WDR70: variants seen among roughly 807,000 people sequenced by gnomAD.
WDR70 encodes WD repeat domain 70, also known as WD repeat-containing protein 70.
A neutral mutation model predicts 88.6 loss-of-function variants in WDR70; 53 were observed. The ratio of observed to expected loss-of-function variants is 0.60; its 90% CI spans 0.48 to 0.75. The LOEUF (loss-of-function observed/expected upper bound fraction) is 0.75. Among genes scored for constraint, WDR70 ranks in the 30% least tolerant of loss-of-function variants. The pLI, the probability that WDR70 is intolerant of heterozygous loss-of-function variation, is 0.00. For missense variants in WDR70, 610 were observed against 823.2 expected (o/e 0.74, Z 3.17); for synonymous variants, 280 against 270.0 (o/e 1.04, Z -0.36).
chr5:37,674,242 T>TTTA (rs199638903), intron 10 of WDR70, among the ~76,000 whole-genome samples: 76 of 152,054 alleles, frequency 5.0e-4, no homozygotes, highest in African/African-American at 1.7e-3. Flanking sequence ...TTTTTTTTAT[T>TTTA]TTATTATTAT....
chr5:37,434,530 A>G (rs1750411480), intron 5 of WDR70, among the ~76,000 whole-genome samples: 1 of 152,166 alleles, frequency 6.6e-6, no homozygotes, highest in African/African-American at 2.4e-5. Context: ...GCAACTTTGT[A>G]GCAGATCTTT....
intron 9 of WDR70, among the ~76,000 whole-genome samples, chr5:37,518,680 C>CTTTTTT (rs35818980): frequency 8.1e-6 from 1 of 123,734 alleles, no homozygotes; most frequent in Admixed American, 8.1e-5. Flanking sequence ...GCACAGATAT[C>CTTTTTT]TTTTTTTTTT....
intron 3 of WDR70, among the ~76,000 whole-genome samples, chr5:37,386,121 T>C (rs918873869): frequency 6.6e-6 from 1 of 151,878 alleles, no homozygotes; most frequent in Non-Finnish European, 1.5e-5. Context: ...CCAAATATAT[T>C]TCATATTATA....
chr5:37,623,468 T>C (rs949169120), intron 10 of WDR70, among the ~76,000 whole-genome samples: 1 of 152,182 alleles, frequency 6.6e-6, no homozygotes, highest in East Asian at 1.9e-4. Flanking sequence ...ATCTTTGTTG[T>C]GAAAATCAAT....
At chr5:37,468,753 T>A (rs1739236858) in intron 7 of WDR70, among the ~76,000 whole-genome samples, 1 of 152,120 alleles carries the variant, frequency 6.6e-6, no homozygotes, top group Non-Finnish European at 1.5e-5. Flanking sequence ...GGAAAAAAAA[T>A]TGCATCTGTA....
chr5:37,694,754 G>C (rs1220861434), intron 10 of WDR70, among the ~76,000 whole-genome samples: 6 of 151,998 alleles, frequency 3.9e-5, no homozygotes, highest in African/African-American at 1.5e-4. Context: ...TAAATGATGA[G>C]TTGATGGGTG....
At chr5:37,523,911 G>A (rs1171639739) in intron 9 of WDR70, among the ~76,000 whole-genome samples, 6 of 152,274 alleles carry the variant, frequency 3.9e-5, no homozygotes, top group South Asian at 4.1e-4. Flanking sequence ...GAAATGAAGC[G>A]AGAAGAGACG....
chr5:37,402,329 T>TGTGTGTGTGTGTGTGTA (rs59326032), intron 5 of WDR70, among the ~76,000 whole-genome samples: 17 of 147,584 alleles, frequency 1.2e-4, no homozygotes, highest in African/African-American at 3.8e-4. Context: ...GTGTGTGTGT[T>TGTGTGTGTGTGTGTGTA]TTAAATTTTT....
At chr5:37,520,644 A>G (rs890235226) in intron 9 of WDR70, among the ~76,000 whole-genome samples, 2 of 152,222 alleles carry the variant, frequency 1.3e-5, no homozygotes, top group African/African-American at 4.8e-5. Flanking sequence ...AGGATATTTC[A>G]GTATACTTCA....
intron 17 of WDR70, among the ~76,000 whole-genome samples, chr5:37,733,215 C>T (rs950764792): frequency 1.3e-5 from 2 of 152,016 alleles, no homozygotes; most frequent in African/African-American, 4.8e-5. Flanking sequence ...TTTAATGTTG[C>T]CTAGTCTTCA....
chr5:37,723,501 C>T (rs1489667767), intron 15 of WDR70: 1 of 152,458 alleles, frequency 6.6e-6, no homozygotes, highest in African/African-American at 2.4e-5. Flanking sequence ...CCTCATTAAT[C>T]TGGCAGATGT....
intron 9 of WDR70, among the ~76,000 whole-genome samples, chr5:37,563,207 G>A (rs1459108385): frequency 1.7e-5 from 1 of 59,174 alleles, no homozygotes; most frequent in African/African-American, 4.8e-5. Flanking sequence ...TGGACGGGGC[G>A]GCTGGCCGGG....
intron 9 of WDR70, among the ~76,000 whole-genome samples, chr5:37,532,671 C>T (rs1741532839): frequency 6.6e-6 from 1 of 152,030 alleles, no homozygotes; most frequent in Non-Finnish European, 1.5e-5. Flanking sequence ...TATCCTGTAT[C>T]ATGTTTTTGA....
At position 37,558,454 on chromosome 5, in the gene WDR70, G is replaced by A. The variant is rs963764769; in HGVS notation, c.917+41864G>A. ...CCACTTGGGCCTCTCAGGTAGCTGG[G>A]ACTATAGGTGCACACCACCTTCCTG... On this transcript the variant is annotated intron_variant, in intron 9 of 17. Coordinates refer to ENST00000265107, the MANE Select transcript of WDR70 (RefSeq NM_018034.4). 3.3e-5 allele frequency among the ~76,000 whole-genome samples: 5 copies of A among 151,858 alleles called. No individual in the cohort carries two copies. The East Asian group carries it at 7.7e-4, about 23-fold the overall frequency.
intron 8 of WDR70, among the ~76,000 whole-genome samples, chr5:37,513,965 A>C (rs2112249846): frequency 6.6e-6 from 1 of 152,126 alleles, no homozygotes. Context: ...ACTGTATAAG[A>C]GGTTATAAAG....
At chr5:37,585,929 A>T (rs974385682) in intron 9 of WDR70, among the ~76,000 whole-genome samples, 3 of 152,052 alleles carry the variant, frequency 2.0e-5, no homozygotes, top group African/African-American at 7.3e-5. Flanking sequence ...TCATCTCCAG[A>T]TATGTGTGCA....
At chr5:37,700,678 T>C (rs1176064383) in intron 11 of WDR70, among the ~76,000 whole-genome samples, 1 of 152,170 alleles carries the variant, frequency 6.6e-6, no homozygotes, top group African/African-American at 2.4e-5. Context: ...TCTCAAGAAG[T>C]AACGTATGCT....
chr5:37,589,255 C>T (rs1176095280), intron 9 of WDR70, among the ~76,000 whole-genome samples: 21 of 120,826 alleles, frequency 1.7e-4, no homozygotes, highest in African/African-American at 8.2e-4. Flanking sequence ...CACATACACA[C>T]ACACACACAC....
At chr5:37,675,074 G>A (rs1212908024) in intron 10 of WDR70, among the ~76,000 whole-genome samples, 1 of 151,808 alleles carries the variant, frequency 6.6e-6, no homozygotes, top group Non-Finnish European at 1.5e-5. Context: ...ACTTTTTGAT[G>A]CGGTTGTTTG....
Sources: allele counts gnomAD v4.1 joint callset (sites outside exome capture counted in the v4.1 genomes callset), GRCh38; gene constraint gnomAD v4.1.1; transcripts MANE v1.5; gene names NCBI Gene and HGNC (gene_info 2026-07-23, HGNC 2026-07-21).